The following LRRC8B variants were observed in gnomAD, a reference collection of about 807,000 sequenced individuals.
The protein encoded by LRRC8B is volume-regulated anion channel subunit LRRC8B.
LRRC8B carries 23 observed loss-of-function variants against 58.8 expected under a neutral mutation model. That is an observed-to-expected ratio of 0.39 (90% CI 0.28 to 0.55). The LOEUF (loss-of-function observed/expected upper bound fraction) is 0.55, where lower values mean the gene tolerates loss of function less well. LRRC8B is among the 20% of genes least tolerant of loss of function. The pLI, the probability that LRRC8B is intolerant of heterozygous loss-of-function variation, is 0.62. For synonymous variants in LRRC8B, 359 were observed against 374.1 expected, an observed-to-expected ratio of 0.96 and a Z score of 0.47; for missense variants, 694 against 936.0, an observed-to-expected ratio of 0.74 and a Z score of 3.37.
chr1:89,545,995 G>T (rs1490898837), intron 1 of LRRC8B, among the ~76,000 whole-genome samples: 1 of 152,142 alleles, frequency 6.6e-6, no homozygotes, highest in Non-Finnish European at 1.5e-5. Flanking sequence ...TTGGAGCTGG[G>T]TAAATGGTAT....
At chr1:89,567,705 C>T (rs1245123566) in intron 1 of LRRC8B, among the ~76,000 whole-genome samples, 3 of 151,916 alleles carry the variant, frequency 2.0e-5, no homozygotes, top group African/African-American at 7.3e-5. Flanking sequence ...TGTTTATGCT[C>T]TTTTGACCTA....
chr1:89,570,459 C>T (rs1488945644), intron 3 of LRRC8B, among the ~76,000 whole-genome samples: 1 of 152,152 alleles, frequency 6.6e-6, no homozygotes, highest in Non-Finnish European at 1.5e-5. Flanking sequence ...TTGCATTTCT[C>T]TAATGATCAG....
At chr1:89,539,094 T>C (rs891000202) in intron 1 of LRRC8B, among the ~76,000 whole-genome samples, 1 of 152,150 alleles carries the variant, frequency 6.6e-6, no homozygotes, top group Non-Finnish European at 1.5e-5. Flanking sequence ...GAAACATTGA[T>C]ATTTATTGAC....
chr1:89,569,750 T>G (rs1402241423), intron 3 of LRRC8B, among the ~76,000 whole-genome samples: 1 of 152,122 alleles, frequency 6.6e-6, no homozygotes, highest in Non-Finnish European at 1.5e-5. Flanking sequence ...CATGTGCAAG[T>G]TTGCTACATA....
At chr1:89,529,222 T>C (rs1473984088) in intron 1 of LRRC8B, among the ~76,000 whole-genome samples, 1 of 152,218 alleles carries the variant, frequency 6.6e-6, no homozygotes, top group Non-Finnish European at 1.5e-5. Context: ...TTACTTCTTT[T>C]CCTTTAATTG....
intron 4 of LRRC8B, among the ~76,000 whole-genome samples, chr1:89,582,013 C>A (rs1428122571): frequency 6.6e-6 from 1 of 152,106 alleles, no homozygotes. Flanking sequence ...TAAAACAACT[C>A]TTGGGCTGTA....
At chr1:89,540,843 G>C (rs1030507435) in intron 1 of LRRC8B, among the ~76,000 whole-genome samples, 2 of 152,178 alleles carry the variant, frequency 1.3e-5, no homozygotes, top group Non-Finnish European at 2.9e-5. Context: ...TTAGAAAAAA[G>C]TCATAGGATT....
chr1:89,591,008 C>T (rs1570654929), intron 5 of LRRC8B, among the ~76,000 whole-genome samples: 1 of 152,124 alleles, frequency 6.6e-6, no homozygotes, highest in East Asian at 1.9e-4. Flanking sequence ...CACAGGACAG[C>T]CCCACAGCAA....
intron 3 of LRRC8B, among the ~76,000 whole-genome samples, chr1:89,573,489 T>C (rs1653619928): frequency 6.6e-6 from 1 of 152,168 alleles, no homozygotes; most frequent in Non-Finnish European, 1.5e-5. Flanking sequence ...TCCTAATGTT[T>C]AGAGTATTCA....
At position 89,531,407 on chromosome 1, in the gene LRRC8B, A is replaced by G. The variant is rs537710522; in HGVS notation, c.-241+6385A>G. On this transcript the variant is annotated intron_variant, in intron 1 of 5. Coordinates refer to ENST00000330947, the MANE Select transcript of LRRC8B (RefSeq NM_001369817.2). Reference sequence around the variant, plus strand: ...GCCAGATGGTTAATGCTTATATACCATCTTGAGGTAACAGAAAGAACAGGG... The same window carrying G: ...GCCAGATGGTTAATGCTTATATACCGTCTTGAGGTAACAGAAAGAACAGGG... Among the ~76,000 whole-genome samples the G allele has an allele frequency of 1.9e-3, 289 of 152,342 alleles. 2 individuals carry two copies. Among genetic ancestry groups the G allele is most frequent in the South Asian group, 5.8e-3 (28 of 4,834 alleles).
At chr1:89,530,773 G>T (rs1490065457) in intron 1 of LRRC8B, among the ~76,000 whole-genome samples, 4 of 152,134 alleles carry the variant, frequency 2.6e-5, no homozygotes, top group African/African-American at 7.2e-5. Flanking sequence ...CAACCCCAAC[G>T]GCCGGTCCCT....
chr1:89,534,283 A>G (rs1650357896), intron 1 of LRRC8B, among the ~76,000 whole-genome samples: 1 of 152,220 alleles, frequency 6.6e-6, no homozygotes, highest in Admixed American at 6.5e-5. Flanking sequence ...ATTGGGTTTT[A>G]AAAATCACTC....
At chr1:89,550,556 A>G (rs1465008787) in intron 1 of LRRC8B, among the ~76,000 whole-genome samples, 1 of 152,220 alleles carries the variant, frequency 6.6e-6, no homozygotes, top group African/African-American at 2.4e-5. Context: ...CCAAACCTTT[A>G]ATAAAGCATA....
chr1:89,536,729 G>T (rs1650567451), intron 1 of LRRC8B, among the ~76,000 whole-genome samples: 1 of 152,158 alleles, frequency 6.6e-6, no homozygotes, highest in Non-Finnish European at 1.5e-5. Flanking sequence ...TACAATCAGG[G>T]ACAGCATTTC....
chr1:89,531,524 A>G (rs918695732), intron 1 of LRRC8B, among the ~76,000 whole-genome samples: 1 of 152,236 alleles, frequency 6.6e-6, no homozygotes, highest in Non-Finnish European at 1.5e-5. Context: ...AGGCCTGGCT[A>G]GCAAAGGTGG....
intron 1 of LRRC8B, among the ~76,000 whole-genome samples, chr1:89,530,703 G>A (rs35987684): frequency 0.18 from 26,721 of 152,222 alleles, 2,948 homozygotes; most frequent in Admixed American, 0.3. Flanking sequence ...TATGAGCAGT[G>A]TGTTTCAGAG....
intron 1 of LRRC8B, among the ~76,000 whole-genome samples, chr1:89,559,651 C>CACACAT: frequency 6.9e-6 from 1 of 144,220 alleles, no homozygotes; most frequent in Non-Finnish European, 1.5e-5. Flanking sequence ...CACACACACA[C>CACACAT]ATATATGTAC....
Position 89,557,992 on chromosome 1 carries a change from A to G in LRRC8B, c.-240-10255A>G, listed in dbSNP as rs115425889. ...GTAAAAATGCCTAGTATCTGTAAGCATAGACACCAGTGAAGTATAGATAGA... is the reference window on the plus strand; with the variant it reads ...GTAAAAATGCCTAGTATCTGTAAGCGTAGACACCAGTGAAGTATAGATAGA... On this transcript the variant is annotated intron_variant, in intron 1 of 5. Coordinates refer to ENST00000330947, the MANE Select transcript of LRRC8B (RefSeq NM_001369817.2). Among the ~76,000 whole-genome samples the G allele has an allele frequency of 7.7e-3, 1,170 of 152,280 alleles. 10 individuals are homozygous for G. The highest frequency in any genetic ancestry group is 0.026 in the African/African-American group (1,086 of 41,542).
chr1:89,525,611 TAAG>T (rs1173607253), intron 1 of LRRC8B, among the ~76,000 whole-genome samples: 10 of 152,364 alleles, frequency 6.6e-5, no homozygotes, highest in East Asian at 1.9e-4. Flanking sequence ...GTTACCAATT[TAAG>T]AAGAAGACTC....
Sources: allele counts gnomAD v4.1 joint callset (sites outside exome capture counted in the v4.1 genomes callset), GRCh38; gene constraint gnomAD v4.1.1; transcripts MANE v1.5; gene names NCBI Gene and HGNC (gene_info 2026-07-23, HGNC 2026-07-21).